Variants in SLC24A3 observed in about 807,000 individuals in gnomAD.
The protein encoded by SLC24A3 is sodium/potassium/calcium exchanger 3.
In SLC24A3, 28 loss-of-function variants were observed where a neutral mutation model predicts 75.8. The observed-to-expected ratio is 0.37, with a 90% confidence interval of 0.27 to 0.51. The LOEUF (loss-of-function observed/expected upper bound fraction) is 0.51, where lower values mean the gene tolerates loss of function less well. Ranked by LOEUF, SLC24A3 falls within the 20% of genes least tolerant of loss-of-function variation. The pLI is 0.94. For synonymous variants in SLC24A3, 372 were observed against 334.1 expected, an observed-to-expected ratio of 1.11 and a Z score of -1.24; for missense variants, 663 against 847.8, an observed-to-expected ratio of 0.78 and a Z score of 2.71.
chr20:19,703,444 T>C (rs957423444), intron 15 of SLC24A3, among the ~76,000 whole-genome samples: 4 of 152,230 alleles, frequency 2.6e-5, no homozygotes, highest in South Asian at 2.1e-4. Context: ...GACATTTTAT[T>C]TGTTTAAATA....
intron 6 of SLC24A3, among the ~76,000 whole-genome samples, chr20:19,593,108 C>G (rs951563242): frequency 1.3e-5 from 2 of 152,192 alleles, no homozygotes; most frequent in East Asian, 3.9e-4. Flanking sequence ...CAAAGACTTT[C>G]AATGTACAAG....
At chr20:19,627,574 T>C (rs997114897) in intron 6 of SLC24A3, among the ~76,000 whole-genome samples, 1 of 152,036 alleles carries the variant, frequency 6.6e-6, no homozygotes, top group Non-Finnish European at 1.5e-5. Context: ...TGAAAACAAG[T>C]AAATATTCTG....
chr20:19,488,747 C>T (rs558798264), intron 2 of SLC24A3, among the ~76,000 whole-genome samples: 1 of 152,156 alleles, frequency 6.6e-6, no homozygotes, highest in Admixed American at 6.5e-5. Flanking sequence ...GTGGGTGGTA[C>T]CCAATCTAAA....
At chr20:19,605,881 G>A (rs961498265) in intron 6 of SLC24A3, among the ~76,000 whole-genome samples, 2 of 152,162 alleles carry the variant, frequency 1.3e-5, no homozygotes, top group Admixed American at 6.5e-5. Context: ...AAGGGAAGAG[G>A]CTACACCTCT....
intron 2 of SLC24A3, among the ~76,000 whole-genome samples, chr20:19,333,299 T>TC (rs557461531): frequency 6.6e-6 from 1 of 152,008 alleles, no homozygotes; most frequent in Non-Finnish European, 1.5e-5. Flanking sequence ...CCTTTTATCT[T>TC]CCCCCCTGGA....
At chr20:19,673,091 A>G (rs2032487064) in intron 8 of SLC24A3, among the ~76,000 whole-genome samples, 1 of 152,064 alleles carries the variant, frequency 6.6e-6, no homozygotes. Context: ...TTTCCCACTT[A>G]TTCCTTCTTA....
intron 6 of SLC24A3, among the ~76,000 whole-genome samples, chr20:19,621,576 G>C (rs1351134075): frequency 7.2e-5 from 11 of 152,130 alleles, no homozygotes; most frequent in Admixed American, 6.5e-4. Flanking sequence ...TATGTCCCTG[G>C]TATCTTTTTA....
At chr20:19,303,309 C>T (rs1343801304) in intron 2 of SLC24A3, among the ~76,000 whole-genome samples, 2 of 152,130 alleles carry the variant, frequency 1.3e-5, no homozygotes, top group African/African-American at 4.8e-5. Flanking sequence ...TGGCCTCCAC[C>T]TCCATCCATG....
intron 3 of SLC24A3, among the ~76,000 whole-genome samples, chr20:19,565,791 G>C (rs1048110697): frequency 6.6e-6 from 1 of 152,170 alleles, no homozygotes; most frequent in Non-Finnish European, 1.5e-5. Context: ...AGTGCCTGGA[G>C]TCTACTGAGA....
intron 2 of SLC24A3, among the ~76,000 whole-genome samples, chr20:19,313,028 CTTTTTTTT>C (rs747623530): frequency 8.8e-5 from 6 of 68,322 alleles, no homozygotes; most frequent in East Asian, 6.4e-4. Context: ...TTTTCTCTTG[CTTTTTTTT>C]TTTTTTTTTT....
At chr20:19,632,984 AATAGTTTTTT>A (rs1157997228) in intron 6 of SLC24A3, among the ~76,000 whole-genome samples, 1 of 152,200 alleles carries the variant, frequency 6.6e-6, no homozygotes, top group African/African-American at 2.4e-5. Context: ...ACTTGAGAAA[AATAGTTTTTT>A]TAATAAAATG....
At chr20:19,378,511 A>G (rs140008657) in intron 2 of SLC24A3, among the ~76,000 whole-genome samples, 10 of 152,330 alleles carry the variant, frequency 6.6e-5, no homozygotes, top group African/African-American at 2.4e-4. Flanking sequence ...TGTTAAGTCA[A>G]TGAAGGAACA....
chr20:19,587,373 G>C (rs1314759563), intron 6 of SLC24A3, among the ~76,000 whole-genome samples: 3 of 152,172 alleles, frequency 2.0e-5, no homozygotes, highest in Non-Finnish European at 4.4e-5. Context: ...TGCATCAAAG[G>C]CAAAGGGCTC....
At chr20:19,322,755 A>T (rs1984743290) in intron 2 of SLC24A3, among the ~76,000 whole-genome samples, 1 of 152,172 alleles carries the variant, frequency 6.6e-6, no homozygotes. Context: ...CACAGCCACA[A>T]GCTCCTGGAA....
intron 3 of SLC24A3, among the ~76,000 whole-genome samples, chr20:19,577,861 T>C (rs1321615553): frequency 6.6e-6 from 1 of 152,238 alleles, no homozygotes; most frequent in South Asian, 2.1e-4. Context: ...CCAAGGTATA[T>C]TTTGCTAGGT....
intron 6 of SLC24A3, among the ~76,000 whole-genome samples, chr20:19,648,668 T>G (rs183683555): frequency 1.3e-3 from 196 of 152,152 alleles, no homozygotes; most frequent in Non-Finnish European, 1.3e-3. Flanking sequence ...ACACAGAAAA[T>G]ATATGGTTTT....
intron 11 of SLC24A3, among the ~76,000 whole-genome samples, chr20:19,684,814 A>G (rs2032655018): frequency 6.6e-6 from 1 of 152,190 alleles, no homozygotes; most frequent in African/African-American, 2.4e-5. Context: ...TGGGGAAGAA[A>G]GATGACATCA....
At chr20:19,507,373 G>T (rs1407731629) in intron 2 of SLC24A3, among the ~76,000 whole-genome samples, 1 of 152,216 alleles carries the variant, frequency 6.6e-6, no homozygotes, top group Non-Finnish European at 1.5e-5. Flanking sequence ...CTCACAAGGA[G>T]CTAGGATATG....
intron 3 of SLC24A3, among the ~76,000 whole-genome samples, chr20:19,531,821 C>T (rs1031518090): frequency 1.3e-5 from 2 of 152,168 alleles, no homozygotes; most frequent in South Asian, 2.1e-4. Flanking sequence ...TCCAAGCCCC[C>T]GCGTGGAGAT....
Sources: gnomAD v4.1 joint callset for allele counts (sites outside exome capture counted in the v4.1 genomes callset) on GRCh38, gnomAD v4.1.1 for gene constraint, MANE v1.5 for transcripts, NCBI Gene and HGNC (gene_info 2026-07-23, HGNC 2026-07-21) for gene names.